The following ANKRD44 variants were observed in gnomAD, a reference collection of about 807,000 sequenced individuals.
The protein encoded by ANKRD44 is serine/threonine-protein phosphatase 6 regulatory ankyrin repeat subunit B.
Under a neutral mutation model 116.0 loss-of-function variants are expected in ANKRD44, and 35 were observed. The ratio of observed to expected loss-of-function variants is 0.30; its 90% confidence interval spans 0.23 to 0.40. The LOEUF (loss-of-function observed/expected upper bound fraction) is 0.40. Ranked by LOEUF, ANKRD44 falls within the 10% of genes least tolerant of loss-of-function variation. The pLI is 1.00. For missense variants in ANKRD44, 1,014 were observed against 1,242.6 expected (o/e 0.82, Z 2.77); for synonymous variants, 435 against 461.8 (o/e 0.94, Z 0.74).
At chr2:197,097,871 A>G (rs1186796545) in intron 10 of ANKRD44, among the ~76,000 whole-genome samples, 3 of 152,158 alleles carry the variant, frequency 2.0e-5, no homozygotes, top group Non-Finnish European at 4.4e-5. Context: ...AGGACTTGCG[A>G]AGCCCTTTGA....
chr2:197,049,876 C>T (rs1469924997), intron 16 of ANKRD44, among the ~76,000 whole-genome samples: 1 of 152,120 alleles, frequency 6.6e-6, no homozygotes, highest in Non-Finnish European at 1.5e-5. Context: ...TATTACTCTT[C>T]CTTCTAAGCT....
intron 13 of ANKRD44, 102 bp from the exon 14 acceptor site, chr2:197,083,611 T>G: frequency 1.5e-6 from 2 of 1,364,834 alleles, no homozygotes; most frequent in South Asian, 3.0e-5. Flanking sequence ...GGAAAGCTCT[T>G]GGACTCTCAG....
At chr2:197,098,207 T>C (rs1161347576) in intron 10 of ANKRD44, among the ~76,000 whole-genome samples, 1 of 152,234 alleles carries the variant, frequency 6.6e-6, no homozygotes, top group African/African-American at 2.4e-5. Context: ...CTCAGTAATT[T>C]GTGCTTGTTC....
intron 7 of ANKRD44, among the ~76,000 whole-genome samples, chr2:197,121,779 C>T (rs1027829798): frequency 6.6e-6 from 1 of 152,126 alleles, no homozygotes; most frequent in Admixed American, 6.5e-5. Context: ...AAGTTTCATC[C>T]TGGGGAGAGG....
At chr2:197,123,786 G>C (rs1166174489) in intron 6 of ANKRD44, among the ~76,000 whole-genome samples, 1 of 152,084 alleles carries the variant, frequency 6.6e-6, no homozygotes, top group Non-Finnish European at 1.5e-5. Context: ...TGTGTGTGTT[G>C]GGGTGGGGGG....
chr2:197,266,732 C>T (rs1463447515), intron 1 of ANKRD44, among the ~76,000 whole-genome samples: 6 of 151,614 alleles, frequency 4.0e-5, no homozygotes, highest in African/African-American at 4.9e-5. Context: ...CTACCTGTTG[C>T]GATGAAAAAT....
chr2:197,297,386 A>G (rs2083754778), intron 1 of ANKRD44, among the ~76,000 whole-genome samples: 1 of 152,210 alleles, frequency 6.6e-6, no homozygotes, highest in East Asian at 1.9e-4. Flanking sequence ...AACTCAAATC[A>G]TATTTTCATA....
intron 1 of ANKRD44, among the ~76,000 whole-genome samples, chr2:197,279,126 C>T (rs770227166): frequency 6.6e-6 from 1 of 152,294 alleles, no homozygotes; most frequent in Non-Finnish European, 1.5e-5. Flanking sequence ...GAGTGGATCG[C>T]ATATCCATCA....
chr2:196,978,350 G>T (rs994092886), intron 21 of ANKRD44, among the ~76,000 whole-genome samples: 2 of 152,124 alleles, frequency 1.3e-5, no homozygotes, highest in African/African-American at 4.8e-5. Context: ...CCAGCACCAT[G>T]CTTCCTGTAC....
intron 1 of ANKRD44, among the ~76,000 whole-genome samples, chr2:197,275,968 T>C (rs2083069885): frequency 6.6e-6 from 1 of 152,184 alleles, no homozygotes; most frequent in Non-Finnish European, 1.5e-5. Flanking sequence ...GGGAAGGATG[T>C]AATGTATTTT....
intron 10 of ANKRD44, 136 bp from the exon 11 acceptor site, chr2:197,090,168 A>G: frequency 1.6e-6 from 1 of 621,230 alleles, no homozygotes; most frequent in Non-Finnish European, 2.8e-6. Flanking sequence ...TAATTTGGTA[A>G]TTCTTCCATT....
In ANKRD44 at chr2:197,272,685, AGACCCAGAG is replaced by A. The variant is rs879644043; in HGVS notation, c.27+37884_27+37892del. Among the ~76,000 whole-genome samples the A allele has an allele frequency of 2.8e-3, 431 of 152,354 alleles. 1 individual carries two copies. Among genetic ancestry groups the A allele is most frequent in the Non-Finnish European group, 4.6e-3 (311 of 68,034 alleles). ...AGTGGAATTGCTGCCATTATGAAAT[AGACCCAGAG>A]AGCTCCCTCACCCCTTCCATCATGT... On this transcript the variant is annotated intron_variant, in intron 1 of 27. Transcript: ENST00000282272.
intron 16 of ANKRD44, among the ~76,000 whole-genome samples, chr2:197,048,605 T>C (rs1165061819): frequency 1.3e-5 from 2 of 152,194 alleles, no homozygotes; most frequent in Non-Finnish European, 2.9e-5. Context: ...GGCATTTGGG[T>C]TGGTTCCAAG....
intron 1 of ANKRD44, among the ~76,000 whole-genome samples, chr2:197,273,978 AAAATATATATATATAT>A (rs2082985928): frequency 8.0e-5 from 4 of 49,728 alleles, no homozygotes; most frequent in Non-Finnish European, 1.5e-4. Flanking sequence ...AAAAAAAAAA[AAAATATATATATATAT>A]ATATATATAT....
intron 10 of ANKRD44, among the ~76,000 whole-genome samples, chr2:197,092,534 C>T (rs1291227250): frequency 6.6e-6 from 1 of 152,196 alleles, no homozygotes; most frequent in Non-Finnish European, 1.5e-5. Flanking sequence ...ATAATAGCTT[C>T]TTCCTATTTA....
At chr2:197,152,595 G>GCTGT (rs762689442) in intron 2 of ANKRD44, among the ~76,000 whole-genome samples, 1 of 152,208 alleles carries the variant, frequency 6.6e-6, no homozygotes, top group Non-Finnish European at 1.5e-5. Flanking sequence ...AGGAAGTTGA[G>GCTGT]CTGTCTGTTT....
chr2:197,295,870 G>A (rs1328659411), intron 1 of ANKRD44, among the ~76,000 whole-genome samples: 1 of 152,014 alleles, frequency 6.6e-6, no homozygotes. Context: ...GACCAGACTG[G>A]GCAACATGGT....
chr2:197,039,134 T>C (rs1003431415), intron 16 of ANKRD44, among the ~76,000 whole-genome samples: 6 of 152,198 alleles, frequency 3.9e-5, no homozygotes, highest in Non-Finnish European at 8.8e-5. Flanking sequence ...TTCTATCTGG[T>C]GCCAATACTT....
At chr2:197,282,103 AT>A (rs1418423632) in intron 1 of ANKRD44, among the ~76,000 whole-genome samples, 1 of 151,990 alleles carries the variant, frequency 6.6e-6, no homozygotes, top group African/African-American at 2.4e-5. Flanking sequence ...AATACAGAAA[AT>A]TAACCAGGCA....
Sources: gnomAD v4.1 joint callset for allele counts (sites outside exome capture counted in the v4.1 genomes callset) on GRCh38, gnomAD v4.1.1 for gene constraint, MANE v1.5 for transcripts, NCBI Gene and HGNC (gene_info 2026-07-23, HGNC 2026-07-21) for gene names.